Variants in MAF observed in about 807,000 individuals in gnomAD.
The protein encoded by MAF is MAF bZIP transcription factor.
In MAF, 10 loss-of-function variants were observed where a neutral mutation model predicts 22.0. The ratio of observed to expected loss-of-function variants is 0.45; its 90% CI spans 0.28 to 0.77. The LOEUF (loss-of-function observed/expected upper bound fraction) is 0.77. Ranked by LOEUF, MAF falls within the 30% of genes least tolerant of loss-of-function variation. The probability of loss-of-function intolerance (pLI) is 0.12; values close to 1 mark genes in which losing one functional copy is unlikely to be tolerated. For missense variants in MAF, 544 were observed against 548.4 expected (o/e 0.99, Z 0.08); for synonymous variants, 337 against 255.8 (o/e 1.32, Z -3.03).
chr16:79,262,559 C>T, the MAF span, among the ~76,000 whole-genome samples: 4 of 152,080 alleles, frequency 2.6e-5, no homozygotes, highest in African/African-American at 7.2e-5. Context: ...ATACAGCACA[C>T]GCAAAGGCAT....
chr16:79,421,689 T>G, the MAF span, among the ~76,000 whole-genome samples: 1 of 149,980 alleles, frequency 6.7e-6, no homozygotes, highest in Admixed American at 6.7e-5. Context: ...CAGGCTGGAG[T>G]GCAATGGCAC....
intron 1 of MAF, among the ~76,000 whole-genome samples, chr16:79,588,730 G>A (rs1270518389): frequency 6.6e-6 from 1 of 151,976 alleles, no homozygotes; most frequent in Non-Finnish European, 1.5e-5. Context: ...CCACAGTGCT[G>A]GGATTACAAG....
the MAF span, among the ~76,000 whole-genome samples, chr16:79,318,369 G>C: frequency 2.6e-5 from 4 of 152,148 alleles, no homozygotes; most frequent in Non-Finnish European, 4.4e-5. Flanking sequence ...TGGAGGAGGA[G>C]ATACATCACT....
At chr16:79,255,482 A>C in the MAF span, among the ~76,000 whole-genome samples, 1 of 152,222 alleles carries the variant, frequency 6.6e-6, no homozygotes, top group Non-Finnish European at 1.5e-5. Context: ...AATCCATTCG[A>C]AACTGATCTC....
intron 1 of MAF, chr16:79,598,461 A>AC: frequency 7.8e-7 from 1 of 1,289,962 alleles, no homozygotes. Context: ...GGTGTAAAAA[A>AC]AAAAAAAAAA....
the MAF span, among the ~76,000 whole-genome samples, chr16:79,445,069 T>G: frequency 6.6e-6 from 1 of 152,196 alleles, no homozygotes; most frequent in Non-Finnish European, 1.5e-5. Context: ...AGTCTCACTC[T>G]GTCGCCCAGA....
At chr16:79,411,967 A>G in the MAF span, among the ~76,000 whole-genome samples, 2 of 152,174 alleles carry the variant, frequency 1.3e-5, no homozygotes, top group Non-Finnish European at 2.9e-5. Context: ...CATAAGTGGC[A>G]GTAGTGTTGC....
At chr16:79,525,853 G>C in the MAF span, among the ~76,000 whole-genome samples, 2 of 152,142 alleles carry the variant, frequency 1.3e-5, no homozygotes, top group Admixed American at 6.6e-5. Flanking sequence ...AATGTACCAA[G>C]AAAGAGGCAA....
chr16:79,586,577 T>C (rs1912855572), intron 1 of MAF, among the ~76,000 whole-genome samples: 1 of 152,222 alleles, frequency 6.6e-6, no homozygotes, highest in African/African-American at 2.4e-5. Context: ...GAAAATGAGG[T>C]TGCTTTAAAG....
chr16:79,389,941 A>G, the MAF span, among the ~76,000 whole-genome samples: 4 of 125,508 alleles, frequency 3.2e-5, no homozygotes, highest in South Asian at 1.1e-3. Flanking sequence ...GTACCACTGC[A>G]CCTCCAGCAC....
At chr16:79,358,054 G>T in the MAF span, among the ~76,000 whole-genome samples, 3 of 152,256 alleles carry the variant, frequency 2.0e-5, no homozygotes, top group Non-Finnish European at 4.4e-5. Context: ...GTACCTTGCA[G>T]GGATATGGAA....
the MAF span, among the ~76,000 whole-genome samples, chr16:79,564,604 C>A: frequency 6.6e-6 from 1 of 152,208 alleles, no homozygotes; most frequent in East Asian, 1.9e-4. Context: ...TGTGACAACT[C>A]TCGGGGCATG....
At chr16:79,320,418 T>G in the MAF span, among the ~76,000 whole-genome samples, 1 of 152,204 alleles carries the variant, frequency 6.6e-6, no homozygotes, top group South Asian at 2.1e-4. Context: ...TGCTGCTTCA[T>G]GAGGCAGAGT....
chr16:79,484,450 A>G, the MAF span, among the ~76,000 whole-genome samples: 1 of 152,188 alleles, frequency 6.6e-6, no homozygotes, highest in African/African-American at 2.4e-5. Context: ...TTCTGGCCAC[A>G]GACACGTCCA....
At chr16:79,451,714 A>C in the MAF span, among the ~76,000 whole-genome samples, 78 of 152,344 alleles carry the variant, frequency 5.1e-4, no homozygotes, top group South Asian at 2.7e-3. Flanking sequence ...AAAAATACCC[A>C]AACAACACAG....
chr16:79,499,105 C>T, the MAF span, among the ~76,000 whole-genome samples: 1 of 152,162 alleles, frequency 6.6e-6, no homozygotes, highest in East Asian at 1.9e-4. Flanking sequence ...CAGGCCTACT[C>T]GAAGCCAACT....
chr16:79,577,942 T>G, the MAF span, among the ~76,000 whole-genome samples: 2 of 152,332 alleles, frequency 1.3e-5, no homozygotes, highest in African/African-American at 4.8e-5. Flanking sequence ...GGGTAACCTC[T>G]GACTCAGTCT....
At chr16:79,445,367 A>C in the MAF span, among the ~76,000 whole-genome samples, 260 of 152,298 alleles carry the variant, frequency 1.7e-3, no homozygotes, top group Admixed American at 3.9e-3. Context: ...TTTATGTATC[A>C]GTTCCCGGGA....
the MAF span, among the ~76,000 whole-genome samples, chr16:79,254,468 T>G: frequency 1.5e-3 from 221 of 152,338 alleles, no homozygotes; most frequent in Non-Finnish European, 2.6e-3. Flanking sequence ...TCAATAATAC[T>G]CCAAGTAGCA....
Sources: gnomAD v4.1 joint callset for allele counts (sites outside exome capture counted in the v4.1 genomes callset) on GRCh38, gnomAD v4.1.1 for gene constraint, MANE v1.5 for transcripts, NCBI Gene and HGNC (gene_info 2026-07-23, HGNC 2026-07-21) for gene names.